C12orf56: variants seen among roughly 807,000 people sequenced by gnomAD.
The protein encoded by C12orf56 is chromosome 12 open reading frame 56, also known as uncharacterized protein C12orf56.
C12orf56 carries 71 observed loss-of-function variants against 69.9 expected under a neutral mutation model. The observed-to-expected ratio is 1.02, with a 90% CI of 0.84 to 1.24. C12orf56 has a LOEUF of 1.24. Ranked by LOEUF, C12orf56 falls within the 50% of genes most tolerant of loss-of-function variation. The probability of loss-of-function intolerance (pLI) is 0.00; values close to 1 mark genes in which losing one functional copy is unlikely to be tolerated. For synonymous variants in C12orf56, 276 were observed against 274.1 expected (o/e 1.01, Z -0.07); for missense variants, 732 against 738.5 (o/e 0.99, Z 0.10).
At position 64,307,179 on chromosome 12, in the gene C12orf56, A is replaced by T. The variant is rs1400408905; in HGVS notation, c.969-3400T>A. 3.3e-5 allele frequency among the ~76,000 whole-genome samples: 5 copies of T among 152,120 alleles called. No individual in the cohort carries two copies. The East Asian group carries it at 9.6e-4, about 29-fold the overall frequency. On this transcript the variant is annotated intron_variant, in intron 5 of 12. Coordinates refer to ENST00000543942, the MANE Select transcript of C12orf56 (RefSeq NM_001170633.2). ...AAAACTGATGCTTTTTTTAGAGTAA[A>T]CGTATGAAAACCTATAGAAATTTTA...
intron 6 of C12orf56, among the ~76,000 whole-genome samples, chr12:64,297,799 G>A (rs534721018): frequency 6.6e-6 from 1 of 152,232 alleles, no homozygotes; most frequent in South Asian, 2.1e-4. Context: ...TGGACATTTG[G>A]GTTGGTTCCA....
In C12orf56 at chr12:64,358,207, C is replaced by T. The variant is rs1025606988; in HGVS notation, c.253-5151G>A. On this transcript the variant is annotated intron_variant, in intron 1 of 12. Coordinates refer to ENST00000543942, the MANE Select transcript of C12orf56 (RefSeq NM_001170633.2). ...GGGCGCAGTGGCTCATACCTATAAT[C>T]CCAACACTTTGGGAGGCCGAGGTGG... is the stretch of plus-strand genomic sequence containing the variant. Among the ~76,000 whole-genome samples the T allele has an allele frequency of 2.6e-5, 4 of 152,232 alleles. No homozygotes were observed. The East Asian group carries it at 7.7e-4, about 29-fold the overall frequency.
intron 6 of C12orf56, chr12:64,293,277 G>A (rs1346244634): frequency 6.6e-6 from 1 of 152,232 alleles, no homozygotes; most frequent in Non-Finnish European, 1.5e-5. Context: ...GAGAAACCCG[G>A]TACCTCAGAT....
intron 3 of C12orf56, among the ~76,000 whole-genome samples, chr12:64,325,196 A>C (rs1565756801): frequency 6.6e-6 from 1 of 152,150 alleles, no homozygotes; most frequent in East Asian, 1.9e-4. Context: ...TTGCCCAGTC[A>C]GCATGTGTTA....
intron 8 of C12orf56, among the ~76,000 whole-genome samples, chr12:64,280,367 G>T (rs1042800324): frequency 6.6e-6 from 1 of 152,132 alleles, no homozygotes; most frequent in African/African-American, 2.4e-5. Flanking sequence ...TCTAATGTAT[G>T]AATTTTGAAT....
chr12:64,276,811 T>C (rs2038055696), intron 9 of C12orf56, among the ~76,000 whole-genome samples: 2 of 151,068 alleles, frequency 1.3e-5, no homozygotes, highest in South Asian at 4.2e-4. Context: ...CTGGGTAACA[T>C]GGCAAGACCC....
intron 1 of C12orf56, among the ~76,000 whole-genome samples, chr12:64,358,788 C>T (rs1161635912): frequency 1.3e-5 from 2 of 151,930 alleles, no homozygotes; most frequent in Admixed American, 6.6e-5. Flanking sequence ...AGTGAGACTC[C>T]ATCTCCAAAA....
At chr12:64,325,593 G>A (rs1316043183) in intron 3 of C12orf56, among the ~76,000 whole-genome samples, 1 of 152,024 alleles carries the variant, frequency 6.6e-6, no homozygotes, top group African/African-American at 2.4e-5. Context: ...GATAATCTAG[G>A]TCCTTCTGAG....
intron 1 of C12orf56, among the ~76,000 whole-genome samples, chr12:64,374,546 T>C (rs1376819641): frequency 1.3e-5 from 2 of 151,970 alleles, no homozygotes; most frequent in South Asian, 2.1e-4. Context: ...TCCAACTTTT[T>C]TTTTTCTTTT....
intron 7 of C12orf56, 41 bp downstream of exon 7, chr12:64,285,913 G>C: frequency 8.2e-7 from 1 of 1,224,712 alleles, no homozygotes; most frequent in Non-Finnish European, 1.1e-6. Context: ...TAACACCCTA[G>C]CAAAAAAAAA....
chr12:64,374,932 A>G (rs1488015312), intron 1 of C12orf56, among the ~76,000 whole-genome samples: 1 of 152,106 alleles, frequency 6.6e-6, no homozygotes, highest in Non-Finnish European at 1.5e-5. Context: ...CGGTTTTTGC[A>G]TTGTTGAAAT....
intron 1 of C12orf56, among the ~76,000 whole-genome samples, chr12:64,365,752 AAT>A (rs2039461843): frequency 1.4e-5 from 2 of 143,758 alleles, no homozygotes; most frequent in South Asian, 2.1e-4. Flanking sequence ...TAATATATAT[AAT>A]ATATAGTTTA....
intron 3 of C12orf56, among the ~76,000 whole-genome samples, chr12:64,327,752 A>G (rs1031596864): frequency 3.3e-5 from 5 of 152,372 alleles, no homozygotes; most frequent in African/African-American, 1.2e-4. Flanking sequence ...GCCATGCTAA[A>G]TAGAACACAT....
In C12orf56 at chr12:64,274,994, T is replaced by A. The variant is rs1201748292; in HGVS notation, c.1510-19A>T. On this transcript the variant is annotated intron_variant, in intron 10 of 12. Transcript: ENST00000543942. ...GATTTCCCTAAAAGACTCAAGGAAATAAACAAGTTATATTCATAAAGTTCA... is the reference window on the plus strand; with the variant it reads ...GATTTCCCTAAAAGACTCAAGGAAAAAAACAAGTTATATTCATAAAGTTCA... 6.4e-7 allele frequency: 1 copy of A among 1,574,596 alleles called. No homozygotes were observed. Among genetic ancestry groups the A allele is most frequent in the Non-Finnish European group, 8.7e-7 (1 of 1,144,710 alleles).
intron 10 of C12orf56, 65 bp from the exon 11 acceptor site, chr12:64,275,040 T>G (rs2038033307): frequency 1.0e-5 from 14 of 1,377,524 alleles, no homozygotes; most frequent in Non-Finnish European, 1.4e-5. Context: ...AAAAGGATAC[T>G]CATTCTTAAA....
chr12:64,350,093 GAAAAA>G lies in C12orf56; in HGVS notation c.415+2796_415+2800del, dbSNP rs200890156. 4.3e-4 allele frequency among the ~76,000 whole-genome samples: 51 copies of G among 119,538 alleles called. 1 individual carries two copies. The highest frequency in any genetic ancestry group is 1.8e-3 in the South Asian group (7 of 3,948). 78.4% of individuals were successfully genotyped at this position (119,538 alleles called of 152,430 possible). On this transcript the variant is annotated intron_variant, in intron 2 of 12. Transcript: ENST00000543942. ...GGTGACAGAGCAAGACTCAGTCTCA[GAAAAA>G]AAAAAAAAAAAAAGAATGATACAAC...
chr12:64,317,557 C>T (rs896828094), intron 4 of C12orf56, among the ~76,000 whole-genome samples: 4 of 152,070 alleles, frequency 2.6e-5, no homozygotes, highest in East Asian at 3.9e-4. Flanking sequence ...GTCGGGAGTT[C>T]GAGACCAGCC....
At chr12:64,307,139 TA>T (rs1404683606) in intron 5 of C12orf56, among the ~76,000 whole-genome samples, 2 of 152,232 alleles carry the variant, frequency 1.3e-5, no homozygotes, top group East Asian at 3.9e-4. Flanking sequence ...TCACTTTAAA[TA>T]AAATACCAAA....
chr12:64,324,089 G>C (rs2038806714), intron 3 of C12orf56, among the ~76,000 whole-genome samples: 1 of 152,138 alleles, frequency 6.6e-6, no homozygotes, highest in Non-Finnish European at 1.5e-5. Context: ...CATAAACTCT[G>C]TCCAAACATG....
Sources: gnomAD v4.1 joint callset for allele counts (sites outside exome capture counted in the v4.1 genomes callset) on GRCh38, gnomAD v4.1.1 for gene constraint, MANE v1.5 for transcripts, NCBI Gene and HGNC (gene_info 2026-07-23, HGNC 2026-07-21) for gene names.